Variants in ZNF609 observed in about 807,000 individuals in gnomAD.
ZNF609 encodes the protein zinc finger protein 609.
Under a neutral mutation model 109.5 loss-of-function variants are expected in ZNF609, and 11 were observed. The observed-to-expected ratio is 0.10, with a 90% CI of 0.06 to 0.17. ZNF609 has a LOEUF of 0.17. ZNF609 is among the 10% of genes least tolerant of loss of function. ZNF609 has a pLI of 1.00. For missense variants in ZNF609, 1,559 were observed against 1,772.4 expected (o/e 0.88, Z 2.16); for synonymous variants, 646 against 662.0 (o/e 0.98, Z 0.37).
intron 1 of ZNF609, among the ~76,000 whole-genome samples, chr15:64,494,462 GA>G (rs1893455102): frequency 6.6e-6 from 1 of 152,142 alleles, no homozygotes; most frequent in African/African-American, 2.4e-5. Flanking sequence ...TCTACTCACT[GA>G]CTCTCTTTCT....
intron 2 of ZNF609, among the ~76,000 whole-genome samples, chr15:64,512,750 T>A (rs544696024): frequency 6.6e-6 from 1 of 152,264 alleles, no homozygotes; most frequent in South Asian, 2.1e-4. Context: ...TTAAGTCTTA[T>A]GCCTGAAGAA....
At chr15:64,588,721 C>G (rs1035590948) in intron 2 of ZNF609, among the ~76,000 whole-genome samples, 7 of 149,518 alleles carry the variant, frequency 4.7e-5, no homozygotes, top group Non-Finnish European at 1.0e-4. Context: ...AAATGGCAAA[C>G]TCTGCCTCCA....
intron 3 of ZNF609, among the ~76,000 whole-genome samples, chr15:64,648,249 G>C (rs564454791): frequency 5.3e-5 from 8 of 152,192 alleles, no homozygotes; most frequent in Non-Finnish European, 1.2e-4. Context: ...TACTTTGGGA[G>C]GCCAGACAGG....
intron 3 of ZNF609, among the ~76,000 whole-genome samples, chr15:64,627,183 C>T (rs1895977045): frequency 6.6e-6 from 1 of 151,212 alleles, no homozygotes; most frequent in Non-Finnish European, 1.5e-5. Context: ...GAGAGTGAGA[C>T]TCCGTCTCAA....
At chr15:64,475,332 C>T (rs72741344) in intron 1 of ZNF609, among the ~76,000 whole-genome samples, 7,195 of 151,094 alleles carry the variant, frequency 0.048, 235 homozygotes, top group South Asian at 0.086. Flanking sequence ...TGATTTCATC[C>T]TCCTCTTTAT....
chr15:64,593,899 G>C (rs1895344468), intron 2 of ZNF609, among the ~76,000 whole-genome samples: 2 of 152,178 alleles, frequency 1.3e-5, no homozygotes, highest in Admixed American at 1.3e-4. Context: ...GGTGTTTGCT[G>C]TCTCGCCATA....
intron 3 of ZNF609, among the ~76,000 whole-genome samples, chr15:64,633,137 A>C (rs1896111450): frequency 6.9e-6 from 1 of 144,154 alleles, no homozygotes; most frequent in African/African-American, 2.7e-5. Flanking sequence ...TAGAAGTGAC[A>C]CGTTTTGTTT....
Position 64,541,940 on chromosome 15 carries a change from C to A in ZNF609, c.747+41774C>A, listed in dbSNP as rs572129428. On this transcript the variant is annotated intron_variant, in intron 2 of 9. Transcript: ENST00000326648. ...CTGAAACTTAACGAGTCCATTTTTT[C>A]CTTTCTCTTCCTTCCCTTTCTCTTC... Among the ~76,000 whole-genome samples the A allele has an allele frequency of 2.7e-5, 4 of 148,852 alleles. No homozygotes were observed. In the South Asian group the frequency reaches 8.5e-4, roughly 31 times the overall value.
At chr15:64,650,900 G>GA (rs971335691) in intron 3 of ZNF609, among the ~76,000 whole-genome samples, 6 of 147,736 alleles carry the variant, frequency 4.1e-5, no homozygotes, top group Admixed American at 1.4e-4. Context: ...GTGGGGGGGG[G>GA]ATCCTTTGTC....
intron 2 of ZNF609, among the ~76,000 whole-genome samples, chr15:64,594,456 C>CTCA (rs1895356685): frequency 6.6e-6 from 1 of 151,896 alleles, no homozygotes; most frequent in Non-Finnish European, 1.5e-5. Context: ...CCTCAGCCAC[C>CTCA]TCAGTAGCTG....
rs569455389 is a variant in ZNF609 at position 64,682,273 on chromosome 15, C to T, written c.*587C>T. On this transcript the variant is annotated 3_prime_UTR_variant, in exon 10 of 10. Coordinates refer to ENST00000326648, the MANE Select transcript of ZNF609 (RefSeq NM_015042.2). Reference sequence around the variant, plus strand: ...TTCTACATAATTGTGAAAACAAGGTCTTCAAATGTGGAGACTTCTCCCCAT... The same window carrying T: ...TTCTACATAATTGTGAAAACAAGGTTTTCAAATGTGGAGACTTCTCCCCAT... The T allele has an allele frequency of 2.6e-5, 4 of 152,752 alleles. No individual in the cohort carries two copies. Among genetic ancestry groups the T allele is most frequent in the Admixed American group, 6.5e-5 (1 of 15,302 alleles). The allele number at this position is 152,752 out of a possible 1,614,324, so 9.5% of individuals were successfully genotyped here.
At chr15:64,616,070 G>A (rs1456787911) in intron 2 of ZNF609, among the ~76,000 whole-genome samples, 1 of 151,950 alleles carries the variant, frequency 6.6e-6, no homozygotes, top group Admixed American at 6.6e-5. Context: ...TCAGGCTGAA[G>A]CGCAGTGGTG....
chr15:64,573,219 C>CT (rs757661525), intron 2 of ZNF609, among the ~76,000 whole-genome samples: 1,537 of 138,746 alleles, frequency 0.011, 29 homozygotes, highest in African/African-American at 0.034. Flanking sequence ...GGAGTTTGAT[C>CT]TTTTTTTTTT....
intron 2 of ZNF609, among the ~76,000 whole-genome samples, chr15:64,503,542 T>C (rs1191717186): frequency 6.6e-6 from 1 of 152,152 alleles, no homozygotes; most frequent in East Asian, 1.9e-4. Context: ...AAACCACAGA[T>C]GGCAACGATC....
intron 3 of ZNF609, among the ~76,000 whole-genome samples, chr15:64,646,409 T>A (rs966129467): frequency 6.6e-6 from 1 of 151,728 alleles, no homozygotes; most frequent in African/African-American, 2.4e-5. Context: ...GGTGGGTGGA[T>A]CAGCAGAGGT....
intron 2 of ZNF609, among the ~76,000 whole-genome samples, chr15:64,550,102 C>T (rs1380239805): frequency 6.6e-6 from 1 of 152,094 alleles, no homozygotes; most frequent in African/African-American, 2.4e-5. Flanking sequence ...CAGGCATGCA[C>T]CACCACACCC....
intron 3 of ZNF609, among the ~76,000 whole-genome samples, chr15:64,637,396 T>C (rs1214383823): frequency 6.6e-6 from 1 of 152,242 alleles, no homozygotes; most frequent in East Asian, 1.9e-4. Context: ...TTCCTATCTA[T>C]CTATACTTAG....
intron 1 of ZNF609, among the ~76,000 whole-genome samples, chr15:64,474,014 C>A (rs1322264684): frequency 6.6e-6 from 1 of 151,706 alleles, no homozygotes; most frequent in Non-Finnish European, 1.5e-5. Flanking sequence ...ACCTTGTGAT[C>A]CACCTGCCTC....
chr15:64,603,375 A>G (rs1014200038), intron 2 of ZNF609, among the ~76,000 whole-genome samples: 5 of 151,304 alleles, frequency 3.3e-5, no homozygotes, highest in African/African-American at 4.9e-5. Context: ...GGTTCAAGCA[A>G]TTCTTCTGCC....
Sources: gnomAD v4.1 joint callset for allele counts (sites outside exome capture counted in the v4.1 genomes callset) on GRCh38, gnomAD v4.1.1 for gene constraint, MANE v1.5 for transcripts, NCBI Gene and HGNC (gene_info 2026-07-23, HGNC 2026-07-21) for gene names.